The following ICE2 variants were observed in gnomAD, a reference collection of about 807,000 sequenced individuals.
The protein encoded by ICE2 is little elongation complex subunit 2.
ICE2 carries 87 observed loss-of-function variants against 105.4 expected under a neutral mutation model. The ratio of observed to expected loss-of-function variants is 0.83; its 90% CI spans 0.69 to 0.99. ICE2 has a LOEUF of 0.99. Among genes scored for constraint, ICE2 ranks in the 50% least tolerant of loss-of-function variants. The pLI is 0.00. For missense variants in ICE2, 1,323 were observed against 1,146.7 expected (o/e 1.15, Z -2.22); for synonymous variants, 399 against 392.0 (o/e 1.02, Z -0.21).
chr15:60,431,254 A>G (rs1243593938), intron 14 of ICE2, among the ~76,000 whole-genome samples: 1 of 151,970 alleles, frequency 6.6e-6, no homozygotes, highest in Non-Finnish European at 1.5e-5. Context: ...TCCCACCATG[A>G]TGTCCTTATG....
In ICE2 at chr15:60,442,559, T is replaced by C. The variant is rs1385645799; in HGVS notation, c.2296-14A>G. On this transcript the variant is annotated splice_polypyrimidine_tract_variant and intron_variant, in intron 11 of 15. Coordinates refer to ENST00000261520, the MANE Select transcript of ICE2 (RefSeq NM_024611.6). ...AACTGGAAATTGCTGCAATGCAAAA[T>C]TATACTTTTTCAAAGCTCTATTAAT... 5 of 1,556,696 alleles carry C rather than the reference T, an allele frequency of 3.2e-6. No homozygotes were observed. Among genetic ancestry groups the C allele is most frequent in the Non-Finnish European group, 1.7e-6 (2 of 1,157,746 alleles).
At position 60,476,178 on chromosome 15, in the gene ICE2, A is replaced by C; in HGVS notation, c.42-11T>G. The C allele has an allele frequency of 3.3e-6, 5 of 1,526,016 alleles. No homozygotes were observed. Among genetic ancestry groups the C allele is most frequent in the Non-Finnish European group, 3.6e-6 (4 of 1,110,186 alleles). The allele number at this position is 1,526,016 out of a possible 1,614,324, so 94.5% of individuals were successfully genotyped here. On this transcript the variant is annotated splice_polypyrimidine_tract_variant and intron_variant, in intron 2 of 15. Coordinates refer to ENST00000261520, the MANE Select transcript of ICE2 (RefSeq NM_024611.6). ...TTGGGGGAAATATCCCTGTGAAACA[A>C]AGTAATTTACTTACATTTGACAATT...
chr15:60,468,588 T>TC (rs1459680936), intron 3 of ICE2, among the ~76,000 whole-genome samples: 2 of 152,230 alleles, frequency 1.3e-5, no homozygotes, highest in African/African-American at 4.8e-5. Context: ...GAAGTTTTTT[T>TC]CCCATTAATA....
intron 3 of ICE2, among the ~76,000 whole-genome samples, chr15:60,469,423 T>A (rs2064522544): frequency 6.6e-6 from 1 of 151,770 alleles, no homozygotes. Context: ...AACCAGCGCA[T>A]CCTGCACATG....
In ICE2 at chr15:60,448,254, T is replaced by C. The variant is rs1325132029; in HGVS notation, c.2120-109A>G. On this transcript the variant is annotated intron_variant, in intron 10 of 15. Coordinates refer to ENST00000261520, the MANE Select transcript of ICE2 (RefSeq NM_024611.6). The stretch of plus-strand genomic sequence containing the variant: ...TTAAAACTTCTATCATCTTTAATTT[T>C]CTACTTCTCTGCCTAAGGGACCCTC... 1.1e-5 allele frequency: 8 copies of C among 703,440 alleles called. No individual in the cohort carries two copies. The East Asian group carries it at 2.0e-4, about 17-fold the overall frequency. The allele number at this position is 703,440 out of a possible 1,614,324, so 43.6% of individuals were successfully genotyped here.
intron 5 of ICE2, among the ~76,000 whole-genome samples, chr15:60,465,722 AG>A (rs1177672968): frequency 6.6e-6 from 1 of 150,468 alleles, no homozygotes; most frequent in African/African-American, 2.4e-5. Flanking sequence ...ATATATATAT[AG>A]TTATTATTTA....
chr15:60,449,578 T>C lies in ICE2; in HGVS notation c.1389A>G (p.Gln463=), dbSNP rs1351090995. 6.2e-6 allele frequency: 10 copies of C among 1,614,214 alleles called. No homozygotes were observed. Among genetic ancestry groups the C allele is most frequent in the South Asian group, 1.1e-5 (1 of 91,084 alleles). The change falls in exon 10 of 16, where the codon CAA becomes CAG. Residue 463 remains glutamine (Q), a synonymous_variant. Transcript: ENST00000261520. ...TGACCAGCTGTTTCTCCTTTTGCAA[T>C]TGTTCCATCAGAATCTGAGATAAAC... ...SRSLSQILME[Q]LQKEKQLVTG... is the part of the protein sequence containing the mutation.
intron 5 of ICE2, among the ~76,000 whole-genome samples, chr15:60,461,972 G>A (rs867555973): frequency 1.3e-5 from 2 of 152,068 alleles, no homozygotes; most frequent in African/African-American, 2.4e-5. Context: ...GATAATAATC[G>A]TAGTGGACAG....
chr15:60,455,768 C>T (rs2064091982), intron 6 of ICE2, among the ~76,000 whole-genome samples: 1 of 152,070 alleles, frequency 6.6e-6, no homozygotes, highest in South Asian at 2.1e-4. Flanking sequence ...CAGGTGTGTG[C>T]CAGCATGCCC....
chr15:60,475,307 T>A (rs1158516405), intron 3 of ICE2, among the ~76,000 whole-genome samples: 1 of 152,202 alleles, frequency 6.6e-6, no homozygotes, highest in Admixed American at 6.5e-5. Context: ...TTAATAGTCA[T>A]TAAATATCAG....
At chr15:60,431,084 G>C (rs1175447239) in intron 14 of ICE2, among the ~76,000 whole-genome samples, 1 of 152,052 alleles carries the variant, frequency 6.6e-6, no homozygotes, top group Non-Finnish European at 1.5e-5. Flanking sequence ...ATGTTGGCCA[G>C]GATGGTCTCC....
chr15:60,446,877 T>C (rs1835819558), intron 11 of ICE2, among the ~76,000 whole-genome samples: 1 of 152,154 alleles, frequency 6.6e-6, no homozygotes, highest in African/African-American at 2.4e-5. Context: ...ACTTGTTTTT[T>C]TAAATGTGTA....
Position 60,448,926 on chromosome 15 carries a change from C to G in ICE2, c.2041G>C (p.Glu681Gln). The change falls in exon 10 of 16, where the codon GAG (glutamate) becomes CAG (glutamine). Residue 681 changes from glutamate (E) to glutamine (Q), a missense_variant. By Grantham distance (29) the Glu-to-Gln change is conservative (BLOSUM62 2). Transcript: ENST00000261520. ...LENSKQPSVS[E>Q]QLSGPSDSSS... ...GAGTCTGAAGGACCAGACAATTGCT[C>G]AGAAACAGAAGGCTGTTTAGAATTT... 11 of 1,613,792 alleles carry G rather than the reference C, an allele frequency of 6.8e-6. No homozygotes were observed. Among genetic ancestry groups the G allele is most frequent in the Non-Finnish European group, 9.3e-6 (11 of 1,179,808 alleles).
intron 3 of ICE2, among the ~76,000 whole-genome samples, chr15:60,473,964 A>G (rs1398031680): frequency 1.3e-5 from 2 of 151,870 alleles, no homozygotes; most frequent in Non-Finnish European, 1.5e-5. Context: ...GCAGGAATAC[A>G]GTGGCACAAT....
In ICE2 at chr15:60,453,741, G is replaced by C. The variant is rs1188755869; in HGVS notation, c.987C>G (p.Pro329=). The C allele has an allele frequency of 6.3e-7, 1 of 1,598,820 alleles. No individual in the cohort carries two copies. Among genetic ancestry groups the C allele is most frequent in the Non-Finnish European group, 8.6e-7 (1 of 1,166,270 alleles). The change falls in exon 9 of 16, where the codon CCC becomes CCG. Residue 329 remains proline (P), a synonymous_variant. Coordinates refer to ENST00000261520, the MANE Select transcript of ICE2 (RefSeq NM_024611.6). ...VKVIYINSPL[P]QKKMTMRERN... is the part of the protein sequence containing the mutation. Reference sequence around the variant, plus strand: ...TCTCTCTCATAGTCATTTTCTTTTGGGGAAGTGGTGAATTAATATATATTA... The same window carrying C: ...TCTCTCTCATAGTCATTTTCTTTTGCGGAAGTGGTGAATTAATATATATTA...
chr15:60,467,427 C>T (rs1354545629), intron 4 of ICE2, among the ~76,000 whole-genome samples: 1 of 152,102 alleles, frequency 6.6e-6, no homozygotes, highest in African/African-American at 2.4e-5. Context: ...GATCATTTTT[C>T]CCATTTTAAA....
chr15:60,471,182 GAGA>G (rs1233140737), intron 3 of ICE2, among the ~76,000 whole-genome samples: 4 of 152,138 alleles, frequency 2.6e-5, no homozygotes, highest in Non-Finnish European at 5.9e-5. Flanking sequence ...AAGGGGATGA[GAGA>G]AGAATTTTGG....
At chr15:60,437,182 G>A (rs979800074) in intron 12 of ICE2, among the ~76,000 whole-genome samples, 1 of 151,846 alleles carries the variant, frequency 6.6e-6, no homozygotes. Context: ...TTGAACCCAG[G>A]AGATGGAGGT....
chr15:60,470,751 A>G (rs1275625994), intron 3 of ICE2, among the ~76,000 whole-genome samples: 2 of 152,238 alleles, frequency 1.3e-5, no homozygotes, highest in South Asian at 2.1e-4. Flanking sequence ...CTACCTCATT[A>G]TATCTCATAA....
Sources: gnomAD v4.1 joint callset for allele counts (sites outside exome capture counted in the v4.1 genomes callset) on GRCh38, gnomAD v4.1.1 for gene constraint, MANE v1.5 for transcripts, NCBI Gene and HGNC (gene_info 2026-07-23, HGNC 2026-07-21) for gene names.